CPED1: variants seen among roughly 807,000 people sequenced by gnomAD.
CPED1 encodes the protein cadherin like and PC-esterase domain containing 1, also known as cadherin-like and PC-esterase domain-containing protein 1.
CPED1 carries 114 observed loss-of-function variants against 128.2 expected under a neutral mutation model. The ratio of observed to expected loss-of-function variants is 0.89; its 90% CI spans 0.76 to 1.04. CPED1 has a LOEUF of 1.04. Ranked by LOEUF, CPED1 falls within the 50% of genes least tolerant of loss-of-function variation. CPED1 has a pLI of 0.00. For synonymous variants in CPED1, 462 were observed against 426.7 expected (o/e 1.08, Z -1.02); for missense variants, 1,211 against 1,207.1 (o/e 1.00, Z -0.05).
intron 16 of CPED1, among the ~76,000 whole-genome samples, chr7:121,153,759 A>G (rs959799753): frequency 6.6e-6 from 1 of 152,082 alleles, no homozygotes; most frequent in Non-Finnish European, 1.5e-5. Context: ...TGCATAACAC[A>G]GGATTCAATT....
At chr7:121,204,162 C>A (rs1410195638) in intron 16 of CPED1, among the ~76,000 whole-genome samples, 1 of 151,964 alleles carries the variant, frequency 6.6e-6, no homozygotes, top group Non-Finnish European at 1.5e-5. Context: ...ACTCTTTGTT[C>A]CAAAATTGGA....
intron 22 of CPED1, among the ~76,000 whole-genome samples, chr7:121,272,398 T>C (rs1792251366): frequency 6.6e-6 from 1 of 151,724 alleles, no homozygotes; most frequent in Admixed American, 6.6e-5. Context: ...TTTTTTTGAG[T>C]GATTTTACGA....
intron 4 of CPED1, among the ~76,000 whole-genome samples, chr7:121,061,800 T>A (rs1793679584): frequency 6.6e-6 from 1 of 152,210 alleles, no homozygotes; most frequent in Admixed American, 6.5e-5. Context: ...TAGAAGAGTA[T>A]TACTAGGTTT....
At chr7:121,186,993 TG>T (rs944519625) in intron 16 of CPED1, among the ~76,000 whole-genome samples, 52 of 152,336 alleles carry the variant, frequency 3.4e-4, no homozygotes, top group African/African-American at 1.2e-3. Flanking sequence ...GGCCTGCCCC[TG>T]GGCTCTGGAG....
chr7:121,164,055 A>G lies in CPED1; in HGVS notation c.2055+21914A>G, dbSNP rs1796469666. ...TGCTAGGTGCTCTGCTCTTTCTTCC[A>G]CTATTTGTGTGTTTGTAAATATTAA... On this transcript the variant is annotated intron_variant, in intron 16 of 22. Transcript: ENST00000310396. Among the ~76,000 whole-genome samples, 3 of 152,308 alleles carry G rather than the reference A, an allele frequency of 2.0e-5. No individual in the cohort carries two copies. The South Asian group carries it at 6.2e-4, about 32-fold the overall frequency.
chr7:121,119,621 C>A (rs993894277), intron 7 of CPED1, among the ~76,000 whole-genome samples: 1 of 150,926 alleles, frequency 6.6e-6, no homozygotes, highest in Admixed American at 6.6e-5. Context: ...GTCAGGAGAT[C>A]GAGACCATCC....
At chr7:121,266,132 A>G in intron 18 of CPED1, 95 bp from the exon 19 acceptor site, 2 of 856,666 alleles carry the variant, frequency 2.3e-6, no homozygotes, top group South Asian at 3.0e-5. Context: ...ACAGTTAGGT[A>G]GTAGTGTGAA....
intron 4 of CPED1, among the ~76,000 whole-genome samples, chr7:121,060,312 A>C (rs1793625183): frequency 6.6e-6 from 1 of 152,224 alleles, no homozygotes; most frequent in Non-Finnish European, 1.5e-5. Context: ...CCAAGGGCTG[A>C]GGAGTGCGGG....
chr7:121,104,287 A>C (rs1163680762), intron 7 of CPED1, among the ~76,000 whole-genome samples: 2 of 152,140 alleles, frequency 1.3e-5, no homozygotes, highest in Non-Finnish European at 2.9e-5. Context: ...TCACGAGTAA[A>C]ATTCTTTCAC....
chr7:121,011,108 A>G (rs1411893589), intron 2 of CPED1, among the ~76,000 whole-genome samples: 1 of 152,154 alleles, frequency 6.6e-6, no homozygotes, highest in East Asian at 1.9e-4. Flanking sequence ...CATATATAAC[A>G]CACATCCAAA....
chr7:121,210,615 A>G (rs151132444), intron 16 of CPED1, among the ~76,000 whole-genome samples: 1 of 152,114 alleles, frequency 6.6e-6, no homozygotes, highest in East Asian at 1.9e-4. Context: ...AAAACAATTG[A>G]ACTCATGGAG....
rs184170590 is a variant in CPED1 at position 121,284,333 on chromosome 7, G to A, written c.2869-11107G>A. On this transcript the variant is annotated intron_variant, in intron 22 of 22. Transcript: ENST00000310396. ...CTAAAACTCAAGATGAGATTTGGGT[G>A]GGGACACAGCCAAACCATATCATTC... is the stretch of plus-strand genomic sequence containing the variant. 6.7e-3 allele frequency among the ~76,000 whole-genome samples: 1,020 copies of A among 152,240 alleles called. 6 individuals are homozygous for A. The highest frequency in any genetic ancestry group is 9.9e-3 in the Non-Finnish European group (673 of 68,014).
chr7:121,282,000 A>G (rs1792473596), intron 22 of CPED1, among the ~76,000 whole-genome samples: 1 of 152,190 alleles, frequency 6.6e-6, no homozygotes, highest in African/African-American at 2.4e-5. Flanking sequence ...TGGCAAAATA[A>G]AAATTGTCCT....
intron 21 of CPED1, among the ~76,000 whole-genome samples, chr7:121,268,986 T>C (rs1792184677): frequency 6.6e-6 from 1 of 151,976 alleles, no homozygotes; most frequent in Non-Finnish European, 1.5e-5. Flanking sequence ...TGGATGGTAA[T>C]TGTGAGAGCA....
At chr7:121,236,928 G>A in intron 17 of CPED1, 97 bp downstream of exon 17, 1 of 537,070 alleles carries the variant, frequency 1.9e-6, no homozygotes, top group Non-Finnish European at 3.2e-6. Flanking sequence ...AAAAAACAAG[G>A]GCATTACTTT....
At chr7:121,180,818 G>A (rs1413785597) in intron 16 of CPED1, among the ~76,000 whole-genome samples, 2 of 151,916 alleles carry the variant, frequency 1.3e-5, no homozygotes, top group Non-Finnish European at 2.9e-5. Flanking sequence ...CATGGAAGGT[G>A]GTTACTTTTA....
chr7:121,127,302 C>A, intron 10 of CPED1, 45 bp downstream of exon 10: 1 of 1,215,750 alleles, frequency 8.2e-7, no homozygotes, highest in Non-Finnish European at 1.2e-6. Flanking sequence ...TCAAGTCATT[C>A]CTTAGAAGGT....
At chr7:121,193,197 T>C (rs1797186113) in intron 16 of CPED1, among the ~76,000 whole-genome samples, 1 of 152,192 alleles carries the variant, frequency 6.6e-6, no homozygotes, top group African/African-American at 2.4e-5. Flanking sequence ...TGGTTTATAT[T>C]TTAGCTATTG....
chr7:120,995,053 C>A (rs142072560), intron 2 of CPED1, among the ~76,000 whole-genome samples: 2 of 152,266 alleles, frequency 1.3e-5, no homozygotes, highest in Non-Finnish European at 2.9e-5. Context: ...CTCCTGCCAG[C>A]GAACATGTGT....
Sources: gnomAD v4.1 joint callset for allele counts (sites outside exome capture counted in the v4.1 genomes callset) on GRCh38, gnomAD v4.1.1 for gene constraint, MANE v1.5 for transcripts, NCBI Gene and HGNC (gene_info 2026-07-23, HGNC 2026-07-21) for gene names.